TMEM237: variants seen among roughly 807,000 people sequenced by gnomAD.
TMEM237 encodes amyotrophic lateral sclerosis 2 (juvenile) chromosome region, candidate 4.
In TMEM237, 51 loss-of-function variants were observed where a neutral mutation model predicts 59.1. The observed-to-expected ratio is 0.86, with a 90% CI of 0.69 to 1.09. The LOEUF is 1.09. Ranked by LOEUF, TMEM237 falls within the 50% of genes least tolerant of loss-of-function variation. The pLI, the probability that TMEM237 is intolerant of heterozygous loss-of-function variation, is 0.00. For missense variants in TMEM237, 475 were observed against 478.3 expected (o/e 0.99, Z 0.06); for synonymous variants, 140 against 166.1 (o/e 0.84, Z 1.21).
intron 3 of TMEM237, among the ~76,000 whole-genome samples, chr2:201,639,833 A>T (rs1016308537): frequency 1.3e-5 from 2 of 152,200 alleles, no homozygotes; most frequent in African/African-American, 4.8e-5. Flanking sequence ...AGATTGCTAT[A>T]TCAATAGTAA....
In TMEM237 at chr2:201,635,640, T is replaced by C. The variant is rs1351376201; in HGVS notation, c.274+1108A>G. ...AGCCGAGCATCATGGCAAATGCCTG[T>C]AATCCCAGCTACTCAGGAGGCCGAG... On this transcript the variant is annotated intron_variant, in intron 5 of 12. Coordinates refer to ENST00000409883, the MANE Select transcript of TMEM237 (RefSeq NM_001044385.3). The surrounding 1 kb of genome is among the most constrained non-coding windows in gnomAD (Gnocchi z 4.5). Among the ~76,000 whole-genome samples the C allele has an allele frequency of 6.6e-6, 1 of 152,072 alleles. No individual in the cohort carries two copies. The highest frequency in any genetic ancestry group is 1.5e-5 in the Non-Finnish European group (1 of 68,030).
Position 201,626,011 on chromosome 2 carries a change from T to C in TMEM237, c.1159+15A>G. 1 of 1,558,684 alleles carries C rather than the reference T, an allele frequency of 6.4e-7. No individual in the cohort carries two copies. Among genetic ancestry groups the C allele is most frequent in the Non-Finnish European group, 8.7e-7 (1 of 1,151,136 alleles). On this transcript the variant is annotated intron_variant, in intron 12 of 12. Coordinates refer to ENST00000409883, the MANE Select transcript of TMEM237 (RefSeq NM_001044385.3). ...GATTTCAGGATATTCTTATGCTATT[T>C]TTTTTCTTTAATACCTTCACTAAGA...
chr2:201,632,896 C>T (rs981721468), intron 6 of TMEM237, among the ~76,000 whole-genome samples: 2 of 152,158 alleles, frequency 1.3e-5, no homozygotes, highest in Non-Finnish European at 2.9e-5. Context: ...GTACACTACT[C>T]ATTTTATCTT....
chr2:201,642,754 A>C, intron 1 of TMEM237: 2 of 1,460,200 alleles, frequency 1.4e-6, no homozygotes, highest in Non-Finnish European at 1.8e-6. Flanking sequence ...CCCCGCGCGC[A>C]GCGCCCTGCG....
At chr2:201,626,394 C>T in intron 11 of TMEM237, 1 of 293,944 alleles carries the variant, frequency 3.4e-6, no homozygotes, top group East Asian at 5.7e-5. Context: ...TTAGTATTCC[C>T]AAGAAAATTC....
rs115051264 is a variant in TMEM237, at chr2:201,628,642, T to G, written c.870-493A>C. Reference sequence around the variant, plus strand: ...AGTATGACTGCTGTCCTTATTAGAATAGACACAGATACAGAGATACACAGG... The same window carrying G: ...AGTATGACTGCTGTCCTTATTAGAAGAGACACAGATACAGAGATACACAGG... On this transcript the variant is annotated intron_variant, in intron 9 of 12. Transcript: ENST00000409883. Among the ~76,000 whole-genome samples the G allele has an allele frequency of 2.2e-3, 330 of 152,282 alleles. 1 individual carries two copies. Among genetic ancestry groups the G allele is most frequent in the African/African-American group, 7.3e-3 (304 of 41,550 alleles).
chr2:201,633,305 T>G lies in TMEM237; in HGVS notation c.395+6A>C, dbSNP rs746393410. On this transcript the variant is annotated splice_donor_region_variant and intron_variant, in intron 6 of 12. Coordinates refer to ENST00000409883, the MANE Select transcript of TMEM237 (RefSeq NM_001044385.3). ...AGAATAGTTAGAAGAATAAATAAAT[T>G]CCTACTTTGTCTTCCTCCGAGGTTT... 1.3e-6 allele frequency: 2 copies of G among 1,595,908 alleles called. No individual in the cohort carries two copies. The highest frequency in any genetic ancestry group is 1.7e-5 in the Admixed American group (1 of 57,912).
rs748095244 is a variant in TMEM237, at chr2:201,629,334, T to C, written c.765A>G (p.Leu255=). Residue 255 remains leucine, a synonymous_variant, in exon 9 of 13, where the codon CTA becomes CTG. Transcript: ENST00000409883. ...VVIYVLAGDQ[L]SNLSNLLQQY... ...GTTGCAGAAGGTTTGAGAGGTTGGATAGCTGATCTCCTGCTAGAACATATA... is the reference window on the plus strand; with the variant it reads ...GTTGCAGAAGGTTTGAGAGGTTGGACAGCTGATCTCCTGCTAGAACATATA... The C allele has an allele frequency of 1.9e-6, 3 of 1,611,828 alleles. No homozygotes were observed. Among genetic ancestry groups the C allele is most frequent in the Non-Finnish European group, 1.7e-6 (2 of 1,179,208 alleles).
At chr2:201,637,513 G>A (rs1273802521) in intron 4 of TMEM237, among the ~76,000 whole-genome samples, 3 of 152,204 alleles carry the variant, frequency 2.0e-5, no homozygotes, top group Non-Finnish European at 2.9e-5. Flanking sequence ...GGAGGCCAAA[G>A]CAGGCGGATC....
chr2:201,627,478 G>T, intron 10 of TMEM237, 64 bp from the exon 11 acceptor site: 1 of 1,067,572 alleles, frequency 9.4e-7, no homozygotes, highest in Non-Finnish European at 1.4e-6. Context: ...TGAATTTATA[G>T]ATTAATATCG....
At chr2:201,630,780 C>A (rs1957800837) in intron 7 of TMEM237, among the ~76,000 whole-genome samples, 1 of 152,156 alleles carries the variant, frequency 6.6e-6, no homozygotes, top group South Asian at 2.1e-4. Context: ...CATAAAACCA[C>A]AGTTCAAGTC....
intron 5 of TMEM237, among the ~76,000 whole-genome samples, chr2:201,633,870 AG>A (rs1449758305): frequency 6.6e-6 from 1 of 152,240 alleles, no homozygotes; most frequent in Non-Finnish European, 1.5e-5. Flanking sequence ...GGAGTCAAAT[AG>A]GATGTACTAA....
At chr2:201,640,773 A>C in intron 2 of TMEM237, 120 bp downstream of exon 2, 1 of 842,050 alleles carries the variant, frequency 1.2e-6, no homozygotes, top group Non-Finnish European at 1.8e-6. Flanking sequence ...AAAATCCCTA[A>C]ATTTTTCAGA....
At chr2:201,638,058 C>T (rs1687337520) in intron 4 of TMEM237, among the ~76,000 whole-genome samples, 1 of 152,192 alleles carries the variant, frequency 6.6e-6, no homozygotes, top group South Asian at 2.1e-4. Context: ...TACTTCTTCC[C>T]TACCACCCAC....
rs1957786598 is a variant in TMEM237 at position 201,629,246 on chromosome 2, T to C, written c.853A>G (p.Ile285Val). 6.4e-7 allele frequency: 1 copy of C among 1,569,918 alleles called. No individual in the cohort carries two copies. The highest frequency in any genetic ancestry group is 1.4e-5 in the African/African-American group (1 of 73,104). The part of the protein sequence containing the change: ...LLYLLLALST[I>V]SAFDRIDFAK... Reference sequence around the variant, plus strand: ...AGGCATTACCTGTCAAAAGCTGAAATTGTACTCAGAGCCAAAAGCAAGTAC... The same window carrying C: ...AGGCATTACCTGTCAAAAGCTGAAACTGTACTCAGAGCCAAAAGCAAGTAC... The change falls in exon 9 of 13, where the codon ATT (isoleucine) becomes GTT (valine). Residue 285 changes from isoleucine (I) to valine (V), a missense_variant. Coordinates refer to ENST00000409883, the MANE Select transcript of TMEM237 (RefSeq NM_001044385.3).
chr2:201,628,563 G>A (rs1240373649), intron 9 of TMEM237, among the ~76,000 whole-genome samples: 1 of 152,114 alleles, frequency 6.6e-6, no homozygotes, highest in Non-Finnish European at 1.5e-5. Flanking sequence ...TGGAAGCAGG[G>A]TCTTTGCAGA....
chr2:201,637,220 C>A (rs973333595), intron 4 of TMEM237, among the ~76,000 whole-genome samples: 1 of 152,188 alleles, frequency 6.6e-6, no homozygotes, highest in African/African-American at 2.4e-5. Flanking sequence ...ATAGAGAATT[C>A]TCTTACTTGC....
At chr2:201,642,771 T>C in intron 1 of TMEM237, 10 of 1,437,416 alleles carry the variant, frequency 7.0e-6, no homozygotes, top group Non-Finnish European at 9.1e-6. Flanking sequence ...TGCGGGGATG[T>C]TGCGGTGAGA....
intron 5 of TMEM237, 165 bp downstream of exon 5, chr2:201,636,583 G>T: frequency 4.1e-6 from 3 of 733,462 alleles, no homozygotes; most frequent in Non-Finnish European, 4.3e-6. Flanking sequence ...AAGTATTCTT[G>T]GCTTAAGCCA....
Sources: allele counts gnomAD v4.1 joint callset (sites outside exome capture counted in the v4.1 genomes callset), GRCh38; gene constraint gnomAD v4.1.1; non-coding constraint Gnocchi (gnomAD v3.1); transcripts MANE v1.5; gene names NCBI Gene and HGNC (gene_info 2026-07-23, HGNC 2026-07-21).